The following LRP3 variants were observed in gnomAD, a reference collection of about 807,000 sequenced individuals.
The protein encoded by LRP3 is low-density lipoprotein receptor-related protein 3.
In LRP3, 49 loss-of-function variants were observed where a neutral mutation model predicts 58.5. That is an observed-to-expected ratio of 0.84 (90% CI 0.67 to 1.06). LRP3 has a LOEUF of 1.06. Ranked by LOEUF, LRP3 falls within the 50% of genes least tolerant of loss-of-function variation. The probability of loss-of-function intolerance (pLI) is 0.00; values close to 1 mark genes in which losing one functional copy is unlikely to be tolerated. For missense variants in LRP3, 1,019 were observed against 1,134.2 expected, an observed-to-expected ratio of 0.90 and a Z score of 1.46; for synonymous variants, 485 against 492.2, an observed-to-expected ratio of 0.99 and a Z score of 0.20.
At chr19:33,205,067 C>A in intron 4 of LRP3, 179 bp from the exon 5 acceptor site, 1 of 783,064 alleles carries the variant, frequency 1.3e-6, no homozygotes, top group Non-Finnish European at 2.0e-6. Flanking sequence ...CTTGGCTAGT[C>A]CTGGGAACTC....
chr19:33,208,836 C>T lies in LRP3; in HGVS notation c.*1261C>T, dbSNP rs1974466582. 4 of 1,611,968 alleles carry T rather than the reference C, an allele frequency of 2.5e-6. No individual in the cohort carries two copies. The highest frequency in any genetic ancestry group is 2.2e-5 in the East Asian group (1 of 44,866). On this transcript the variant is annotated 3_prime_UTR_variant, in exon 7 of 7. Coordinates refer to ENST00000253193, the MANE Select transcript of LRP3 (RefSeq NM_002333.4). This position sits in a 1 kb window ranked among gnomAD's most constrained non-coding sequence, Gnocchi z 4.7. ...AAACAAAACTTTTTTGCCAAAACAC[C>T]TCCTCAATAAACAACATGTAAACAG...
intron 3 of LRP3, chr19:33,204,308 C>T (rs1308072403): frequency 1.2e-5 from 4 of 341,368 alleles, no homozygotes; most frequent in Non-Finnish European, 2.2e-5. Context: ...GCAGGGGGCT[C>T]TTGACTTCCT....
At chr19:33,204,560 T>G (rs1974378148) in intron 3 of LRP3, 78 bp from the exon 4 acceptor site, 1 of 1,095,346 alleles carries the variant, frequency 9.1e-7, no homozygotes, top group African/African-American at 1.5e-5. Context: ...GGCTCCAGCC[T>G]GACCACTCCC....
chr19:33,203,306 AAGT>A (rs1336638493), intron 3 of LRP3, among the ~76,000 whole-genome samples: 8 of 149,506 alleles, frequency 5.4e-5, no homozygotes, highest in East Asian at 3.9e-4. Flanking sequence ...GAACACATGT[AAGT>A]AGGTGTGTGT....
At chr19:33,202,093 C>T (rs952352933) in intron 2 of LRP3, among the ~76,000 whole-genome samples, 1 of 152,200 alleles carries the variant, frequency 6.6e-6, no homozygotes, top group Non-Finnish European at 1.5e-5. Flanking sequence ...CCAGGCAAGT[C>T]GCTGACCCTC....
chr19:33,207,016 C>T lies in LRP3; in HGVS notation c.1754C>T (p.Ala585Val). ...QASVLQNLRT[A>V]MRRQMRRHAS... ...TCTGTGCTGCAGAATCTTCGCACAGCCATGCGGAGACAGATGCGTCGGCAC... is the reference window on the plus strand; with the variant it reads ...TCTGTGCTGCAGAATCTTCGCACAGTCATGCGGAGACAGATGCGTCGGCAC... Residue 585 changes from alanine (A) to valine (V), a missense_variant, in exon 7 of 7, where the codon GCC (alanine) becomes GTC (valine). Transcript: ENST00000253193. The T allele has an allele frequency of 1.3e-6, 2 of 1,492,528 alleles. No individual in the cohort carries two copies. The highest frequency in any genetic ancestry group is 2.4e-5 in the East Asian group (1 of 40,902). 92.5% of individuals were successfully genotyped at this position (1,492,528 alleles called of 1,614,324 possible). A position where few individuals can be genotyped will look rare whatever the true frequency, so the allele number is the denominator to read the frequency against.
intron 3 of LRP3, chr19:33,204,291 T>A: frequency 6.9e-6 from 2 of 288,194 alleles, no homozygotes; most frequent in South Asian, 5.8e-5. Flanking sequence ...TTGGGGAGGG[T>A]GTCGGGGCAG....
chr19:33,201,147 G>A (rs1032280082), intron 2 of LRP3, among the ~76,000 whole-genome samples: 4 of 152,220 alleles, frequency 2.6e-5, no homozygotes, highest in African/African-American at 4.8e-5. Context: ...GACATGGCAC[G>A]GCCCTACCTG....
Position 33,207,118 on chromosome 19 carries a change from G to A in LRP3, c.1856G>A (p.Arg619Gln), listed in dbSNP as rs982125646. 11 of 1,527,970 alleles carry A rather than the reference G, an allele frequency of 7.2e-6. No individual in the cohort carries two copies. Among genetic ancestry groups the A allele is most frequent in the Admixed American group, 2.1e-5 (1 of 48,152 alleles). The allele number at this position is 1,527,970 out of a possible 1,614,324, so 94.7% of individuals were successfully genotyped here. A position where few individuals can be genotyped will look rare whatever the true frequency, so the allele number is the denominator to read the frequency against. Residue 619 changes from arginine (R) to glutamine (Q), a missense_variant, in exon 7 of 7, where the codon CGA (arginine) becomes CAA (glutamine). Physicochemically the swap from Arg to Gln is conservative, Grantham distance 43 (BLOSUM62 1). This residue lies in a region of LRP3 where 427 missense variants were observed against 408.6 expected (regional missense o/e 1.04). Coordinates refer to ENST00000253193, the MANE Select transcript of LRP3 (RefSeq NM_002333.4). ...CTCTTTCACCGGCCGCGGGCGCCCC[G>A]AGGCCAGATCCCACTGCTGACCGCA... ...NRLFHRPRAP[R>Q]GQIPLLTAAR...
At chr19:33,199,435 T>C (rs1174544423) in intron 2 of LRP3, among the ~76,000 whole-genome samples, 2 of 147,972 alleles carry the variant, frequency 1.4e-5, no homozygotes, top group Non-Finnish European at 3.0e-5. Flanking sequence ...ATCGCACCAC[T>C]GCACTCCAGC....
At chr19:33,198,595 A>G (rs1306779008) in intron 2 of LRP3, among the ~76,000 whole-genome samples, 1 of 152,118 alleles carries the variant, frequency 6.6e-6, no homozygotes, top group Non-Finnish European at 1.5e-5. Flanking sequence ...CACCCTAACT[A>G]GGCTCAGTTG....
At chr19:33,204,413 A>C in intron 3 of LRP3, 1 of 570,542 alleles carries the variant, frequency 1.8e-6, no homozygotes, top group Non-Finnish European at 3.1e-6. Context: ...GGATGTCGCA[A>C]TTCTTCATGG....
chr19:33,205,074 A>C, intron 4 of LRP3, 172 bp from the exon 5 acceptor site: 1 of 798,432 alleles, frequency 1.3e-6, no homozygotes, highest in Non-Finnish European at 2.0e-6. Flanking sequence ...AGTCCTGGGA[A>C]CTCACCCCTA....
Position 33,206,850 on chromosome 19 carries a change from C to T in LRP3, c.1725+117C>T, listed in dbSNP as rs554135130. ...GGCCTGCGCAGGGTGACCTGAGGGC[C>T]CATGGCCAGGTGGGGGGGGTGGACA... On this transcript the variant is annotated intron_variant, in intron 6 of 6. Transcript: ENST00000253193. 3 of 1,283,304 alleles carry T rather than the reference C, an allele frequency of 2.3e-6. No homozygotes were observed. In the South Asian group the frequency reaches 4.6e-5, roughly 20 times the overall value. 79.5% of individuals were successfully genotyped at this position (1,283,304 alleles called of 1,614,324 possible). A position where few individuals can be genotyped will look rare whatever the true frequency, so the allele number is the denominator to read the frequency against.
chr19:33,206,911 T>C, intron 6 of LRP3, 77 bp from the exon 7 acceptor site: 1 of 1,230,160 alleles, frequency 8.1e-7, no homozygotes, highest in Non-Finnish European at 1.1e-6. Flanking sequence ...CTTGGGGGTG[T>C]GCTGTCTCCT....
chr19:33,207,642 C>G lies in LRP3; in HGVS notation c.*67C>G, dbSNP rs1266617412. ...CCAGGGAATACACAGTCATTTCTACCCTGCCTCTGCGTCCTTTCTTATGGA... is the reference window on the plus strand; with the variant it reads ...CCAGGGAATACACAGTCATTTCTACGCTGCCTCTGCGTCCTTTCTTATGGA... On this transcript the variant is annotated 3_prime_UTR_variant, in exon 7 of 7. Transcript: ENST00000253193. 1 of 1,248,976 alleles carries G rather than the reference C, an allele frequency of 8.0e-7. No homozygotes were observed. The highest frequency in any genetic ancestry group is 2.3e-5 in the East Asian group (1 of 43,038). The allele number at this position is 1,248,976 out of a possible 1,614,324, so 77.4% of individuals were successfully genotyped here.
chr19:33,206,867 G>A (rs1974420407), intron 6 of LRP3, 121 bp from the exon 7 acceptor site: 3 of 1,216,496 alleles, frequency 2.5e-6, no homozygotes, highest in South Asian at 3.2e-5. Context: ...CAGGTGGGGG[G>A]GGTGGACAAG....
In LRP3 at chr19:33,207,839, C is replaced by G. The variant is rs1490327985; in HGVS notation, c.*264C>G. The G allele has an allele frequency of 1.9e-6, 1 of 525,772 alleles. No homozygotes were observed. Among genetic ancestry groups the G allele is most frequent in the Non-Finnish European group, 3.3e-6 (1 of 298,932 alleles). The allele number at this position is 525,772 out of a possible 1,614,324, so 32.6% of individuals were successfully genotyped here. A position where few individuals can be genotyped will look rare whatever the true frequency, so the allele number is the denominator to read the frequency against. ...GGGGTCTCACTTCTCTCCCCCCACT[C>G]CATTCTGGGAACCCATTTCCAGAGA... is the stretch of plus-strand genomic sequence containing the variant. On this transcript the variant is annotated 3_prime_UTR_variant, in exon 7 of 7. Coordinates refer to ENST00000253193, the MANE Select transcript of LRP3 (RefSeq NM_002333.4).
At chr19:33,203,445 G>A (rs1974365607) in intron 3 of LRP3, among the ~76,000 whole-genome samples, 1 of 152,218 alleles carries the variant, frequency 6.6e-6, no homozygotes, top group South Asian at 2.1e-4. Context: ...ATGTGCACGA[G>A]CCATGCCTGC....
Sources: allele counts gnomAD v4.1 joint callset (sites outside exome capture counted in the v4.1 genomes callset), GRCh38; gene constraint gnomAD v4.1.1; regional missense constraint gnomAD v4.1.1; non-coding constraint Gnocchi (gnomAD v3.1); transcripts MANE v1.5; gene names NCBI Gene and HGNC (gene_info 2026-07-23, HGNC 2026-07-21).